HECW1: variants seen among roughly 807,000 people sequenced by gnomAD.
The protein encoded by HECW1 is HECT, C2 and WW domain containing E3 ubiquitin protein ligase 1, also known as E3 ubiquitin-protein ligase HECW1.
A neutral mutation model predicts 182.3 loss-of-function variants in HECW1; 61 were observed. That is an observed-to-expected ratio of 0.33 (90% CI 0.27 to 0.41). HECW1 has a LOEUF of 0.41. HECW1 is among the 10% of genes least tolerant of loss of function. The pLI is 1.00. For synonymous variants in HECW1, 859 were observed against 832.6 expected (o/e 1.03, Z -0.55); for missense variants, 1,739 against 2,108.9 (o/e 0.82, Z 3.44).
chr7:43,406,537 T>C (rs992797088), intron 7 of HECW1, among the ~76,000 whole-genome samples: 18 of 152,362 alleles, frequency 1.2e-4, no homozygotes, highest in Admixed American at 5.9e-4. Flanking sequence ...CCTGATCCTG[T>C]GTATCTTTAC....
At position 43,475,963 on chromosome 7, in the gene HECW1, G is replaced by A. The variant is rs182829722; in HGVS notation, c.3100-3647G>A. 1.4e-3 allele frequency among the ~76,000 whole-genome samples: 219 copies of A among 152,224 alleles called. 1 individual carries two copies. The highest frequency in any genetic ancestry group is 5.1e-3 in the African/African-American group (212 of 41,520). On this transcript the variant is annotated intron_variant, in intron 16 of 29. Coordinates refer to ENST00000395891, the MANE Select transcript of HECW1 (RefSeq NM_015052.5). ...AGTGGACATCTTATTGTACAATCGG[G>A]TCTAGTAGTTTTCCCTTAAAAATCA... is the stretch of plus-strand genomic sequence containing the variant.
intron 24 of HECW1, among the ~76,000 whole-genome samples, chr7:43,534,828 T>C (rs1288622187): frequency 2.0e-5 from 3 of 152,186 alleles, no homozygotes; most frequent in African/African-American, 4.8e-5. Flanking sequence ...GTCAGCCCAA[T>C]CCACGTTTTC....
At chr7:43,126,325 T>C (rs1270807923) in intron 2 of HECW1, among the ~76,000 whole-genome samples, 1 of 152,192 alleles carries the variant, frequency 6.6e-6, no homozygotes, top group Non-Finnish European at 1.5e-5. Flanking sequence ...ATGTTATTTT[T>C]AAAATATAAC....
intron 24 of HECW1, chr7:43,511,849 C>T (rs755665): frequency 0.26 from 47,795 of 180,926 alleles, 6,413 homozygotes; most frequent in South Asian, 0.36. Flanking sequence ...GAGCCCAGAT[C>T]TGGTGATGTG....
At chr7:43,224,785 T>G (rs1235525349) in intron 2 of HECW1, among the ~76,000 whole-genome samples, 1 of 152,136 alleles carries the variant, frequency 6.6e-6, no homozygotes, top group Non-Finnish European at 1.5e-5. Flanking sequence ...ACTGCCTGGA[T>G]GATAGAGTAA....
intron 19 of HECW1, 95 bp from the exon 20 acceptor site, chr7:43,500,604 C>A: frequency 1.0e-6 from 1 of 968,714 alleles, no homozygotes; most frequent in Non-Finnish European, 1.7e-6. Flanking sequence ...TGCTATTCAG[C>A]AGTATTGGAA....
At chr7:43,371,226 T>G (rs1817323542) in intron 6 of HECW1, among the ~76,000 whole-genome samples, 1 of 152,114 alleles carries the variant, frequency 6.6e-6, no homozygotes, top group Admixed American at 6.5e-5. Context: ...GGTGGCTACA[T>G]GTTATTATAC....
At chr7:43,256,548 G>A (rs934140561) in intron 3 of HECW1, among the ~76,000 whole-genome samples, 2 of 150,586 alleles carry the variant, frequency 1.3e-5, no homozygotes, top group African/African-American at 4.9e-5. Context: ...GGCAGAGGTT[G>A]CAGTGAGCCA....
At chr7:43,184,334 A>G (rs1407449029) in intron 2 of HECW1, among the ~76,000 whole-genome samples, 1 of 152,138 alleles carries the variant, frequency 6.6e-6, no homozygotes, top group Admixed American at 6.5e-5. Flanking sequence ...TATTCTCACC[A>G]TGTCCAATTT....
At chr7:43,155,364 G>A (rs1476926794) in intron 2 of HECW1, among the ~76,000 whole-genome samples, 3 of 152,064 alleles carry the variant, frequency 2.0e-5, no homozygotes, top group African/African-American at 4.8e-5. Flanking sequence ...ACTGGAAGTT[G>A]GAGGGGAAAA....
At chr7:43,376,322 G>A (rs1017049628) in intron 6 of HECW1, among the ~76,000 whole-genome samples, 1 of 152,098 alleles carries the variant, frequency 6.6e-6, no homozygotes, top group Non-Finnish European at 1.5e-5. Flanking sequence ...CCTGCAGAAA[G>A]GAAGGGCTTT....
chr7:43,441,850 C>G (rs534182697), intron 9 of HECW1, among the ~76,000 whole-genome samples: 2 of 152,338 alleles, frequency 1.3e-5, no homozygotes, highest in South Asian at 4.1e-4. Flanking sequence ...CACAACCACA[C>G]AAAAACAGGT....
At position 43,398,762 on chromosome 7, in the gene HECW1, A is replaced by G. The variant is rs554201833; in HGVS notation, c.631+1873A>G. 5.9e-5 allele frequency among the ~76,000 whole-genome samples: 9 copies of G among 152,372 alleles called. No individual in the cohort carries two copies. The East Asian group carries it at 1.7e-3, about 29-fold the overall frequency. ...TGTCTGTGCAGGAGACCAGAGTTTT[A>G]GTATCACTCAAATCAGTCTCCCCGA... On this transcript the variant is annotated intron_variant, in intron 7 of 29. Transcript: ENST00000395891.
intron 2 of HECW1, among the ~76,000 whole-genome samples, chr7:43,202,394 TCTTTC>T (rs1795086215): frequency 6.6e-6 from 1 of 152,100 alleles, no homozygotes; most frequent in Admixed American, 6.5e-5. Flanking sequence ...AAGAAAAGTA[TCTTTC>T]CTTTTCCATA....
At position 43,445,033 on chromosome 7, in the gene HECW1, G is replaced by A. The variant is rs144554534; in HGVS notation, c.1861G>A (p.Glu621Lys). Residue 621 changes from glutamate to lysine, a missense_variant, in exon 11 of 30, where the codon GAG (glutamate) becomes AAG (lysine). By Grantham distance (56) the Glu-to-Lys change is moderately conservative. Around this residue, in one of 5 missense-constraint regions of HECW1, gnomAD observed 971 missense variants for 1,029.1 expected, o/e 0.94. Coordinates refer to ENST00000395891, the MANE Select transcript of HECW1 (RefSeq NM_015052.5). ...SALEEDREEP[E>K]GATPGTAHPG... is the part of the protein sequence containing the mutation. The stretch of plus-strand genomic sequence containing the variant: ...CCTGGAAGAGGACAGAGAAGAGCCC[G>A]AGGGGGCTACTCCAGGCACGGCGCA... 3.8e-5 allele frequency: 60 copies of A among 1,568,206 alleles called. No individual in the cohort carries two copies. The East Asian group carries it at 1.1e-3, about 29-fold the overall frequency.
intron 2 of HECW1, among the ~76,000 whole-genome samples, chr7:43,231,899 G>A (rs921263545): frequency 5.9e-5 from 9 of 151,748 alleles, no homozygotes; most frequent in African/African-American, 2.2e-4. Flanking sequence ...GCGGGCGCCT[G>A]TAGTCCCAGC....
intron 9 of HECW1, chr7:43,439,702 T>A (rs1437717067): frequency 6.6e-6 from 1 of 152,436 alleles, no homozygotes; most frequent in Non-Finnish European, 1.5e-5. Context: ...AGTTCTCTCC[T>A]AAGTCCAAGC....
chr7:43,391,126 G>C (rs1288946925), intron 6 of HECW1, among the ~76,000 whole-genome samples: 1 of 152,084 alleles, frequency 6.6e-6, no homozygotes, highest in East Asian at 1.9e-4. Context: ...ACTTACTGAG[G>C]CTCCAGAAGA....
At chr7:43,518,727 GA>G (rs1366886165) in intron 24 of HECW1, among the ~76,000 whole-genome samples, 1 of 151,972 alleles carries the variant, frequency 6.6e-6, no homozygotes, top group Non-Finnish European at 1.5e-5. Flanking sequence ...GGTCAGAGAA[GA>G]ACAAATTCAA....
Sources: gnomAD v4.1 joint callset for allele counts (sites outside exome capture counted in the v4.1 genomes callset) on GRCh38, gnomAD v4.1.1 for gene constraint, gnomAD v4.1.1 regional missense constraint, MANE v1.5 for transcripts, NCBI Gene and HGNC (gene_info 2026-07-23, HGNC 2026-07-21) for gene names.